Variants in ULK4 observed in about 807,000 individuals in gnomAD.
ULK4 encodes unc-51 like kinase 4, also known as inactive serine/threonine-protein kinase ULK4.
ULK4 carries 133 observed loss-of-function variants against 160.6 expected under a neutral mutation model. That is an observed-to-expected ratio of 0.83 (90% CI 0.72 to 0.96). The LOEUF (loss-of-function observed/expected upper bound fraction) is 0.96. Ranked by LOEUF, ULK4 falls within the 40% of genes least tolerant of loss-of-function variation. The pLI, the probability that ULK4 is intolerant of heterozygous loss-of-function variation, is 0.00. For missense variants in ULK4, 1,580 were observed against 1,499.5 expected, an observed-to-expected ratio of 1.05 and a Z score of -0.89; for synonymous variants, 534 against 539.8, an observed-to-expected ratio of 0.99 and a Z score of 0.15.
intron 21 of ULK4, among the ~76,000 whole-genome samples, chr3:41,785,432 G>C (rs2125587708): frequency 6.6e-6 from 1 of 152,300 alleles, no homozygotes; most frequent in Admixed American, 6.5e-5. Flanking sequence ...TGGGTAGTGA[G>C]ATTCCAGCTA....
At chr3:41,373,869 A>C (rs1455894224) in intron 35 of ULK4, among the ~76,000 whole-genome samples, 1 of 152,230 alleles carries the variant, frequency 6.6e-6, no homozygotes, top group Non-Finnish European at 1.5e-5. Context: ...GAAAAGATTA[A>C]CAAAACAGAT....
chr3:41,346,515 C>A (rs2080803164), intron 35 of ULK4, among the ~76,000 whole-genome samples: 1 of 152,074 alleles, frequency 6.6e-6, no homozygotes, highest in Non-Finnish European at 1.5e-5. Context: ...GACTGGAATG[C>A]CTGGAGAGCA....
chr3:41,774,057 A>T (rs202180392), intron 21 of ULK4, among the ~76,000 whole-genome samples: 1 of 152,198 alleles, frequency 6.6e-6, no homozygotes, highest in South Asian at 2.1e-4. Context: ...CTTACACCTT[A>T]TACAAAAATC....
intron 11 of ULK4, among the ~76,000 whole-genome samples, chr3:41,909,042 A>G (rs951076803): frequency 6.9e-5 from 10 of 145,844 alleles, no homozygotes; most frequent in African/African-American, 2.5e-4. Context: ...GCAGTGAGCC[A>G]AGTTCAAGCC....
At chr3:41,408,211 G>A (rs561783310) in intron 34 of ULK4, among the ~76,000 whole-genome samples, 3 of 151,706 alleles carry the variant, frequency 2.0e-5, no homozygotes, top group Admixed American at 6.6e-5. Context: ...GGCGGATCAC[G>A]AGGTCAGGAG....
chr3:41,595,309 G>A (rs553665167), intron 31 of ULK4, among the ~76,000 whole-genome samples: 26 of 152,208 alleles, frequency 1.7e-4, no homozygotes, highest in South Asian at 8.3e-4. Flanking sequence ...ATCCTGCCGC[G>A]GTCAACTTCT....
At chr3:41,944,603 G>A (rs1283956945) in intron 2 of ULK4, among the ~76,000 whole-genome samples, 1 of 151,982 alleles carries the variant, frequency 6.6e-6, no homozygotes, top group Admixed American at 6.6e-5. Flanking sequence ...CTTTTTATAA[G>A]AAGTGTACTT....
rs748807941 is a variant in ULK4, at chr3:41,305,677, G to A, written c.3679-56103C>T. ...AAGTGAGGAGCGTCTCTGCCTGGCC[G>A]CCCATCGTCTGGGATGTGAGGAGCC... On this transcript the variant is annotated intron_variant, in intron 35 of 36. Transcript: ENST00000301831. Among the ~76,000 whole-genome samples the A allele has an allele frequency of 6.6e-3, 991 of 149,258 alleles. 7 individuals carry two copies. Among genetic ancestry groups the A allele is most frequent in the African/African-American group, 0.021 (834 of 39,252 alleles).
chr3:41,432,530 T>A (rs2082936647), intron 34 of ULK4, among the ~76,000 whole-genome samples: 1 of 152,196 alleles, frequency 6.6e-6, no homozygotes, highest in Non-Finnish European at 1.5e-5. Context: ...CCCCCACTTC[T>A]GTGGTACAAA....
intron 34 of ULK4, among the ~76,000 whole-genome samples, chr3:41,434,480 TTG>T (rs1228208718): frequency 6.6e-6 from 1 of 152,208 alleles, no homozygotes; most frequent in Non-Finnish European, 1.5e-5. Flanking sequence ...ACACTATTTT[TTG>T]TGAGTCTGGA....
intron 35 of ULK4, among the ~76,000 whole-genome samples, chr3:41,374,643 C>G (rs1307210186): frequency 6.6e-6 from 1 of 151,924 alleles, no homozygotes; most frequent in African/African-American, 2.4e-5. Context: ...TATCTCAAAA[C>G]AATAAGAGCT....
At chr3:41,462,427 C>T (rs907865114) in intron 33 of ULK4, among the ~76,000 whole-genome samples, 7 of 152,238 alleles carry the variant, frequency 4.6e-5, no homozygotes, top group African/African-American at 1.2e-4. Flanking sequence ...CTGACTCCAT[C>T]GGTTAGACAG....
intron 17 of ULK4, among the ~76,000 whole-genome samples, chr3:41,880,535 C>T (rs1697479329): frequency 6.6e-6 from 1 of 152,160 alleles, no homozygotes; most frequent in South Asian, 2.1e-4. Context: ...TCATTAAACT[C>T]TCCAGCATTA....
chr3:41,735,865 C>CA (rs1491105163), intron 22 of ULK4, among the ~76,000 whole-genome samples: 1 of 119,224 alleles, frequency 8.4e-6, no homozygotes, highest in Non-Finnish European at 1.7e-5. Context: ...CAACAGTCCC[C>CA]AGAGTGTGAT....
chr3:41,352,691 C>T (rs181115459), intron 35 of ULK4, among the ~76,000 whole-genome samples: 6 of 152,194 alleles, frequency 3.9e-5, no homozygotes, highest in Admixed American at 1.3e-4. Flanking sequence ...TTTGATTTGC[C>T]CAGCAGAGCA....
intron 19 of ULK4, among the ~76,000 whole-genome samples, chr3:41,813,721 T>C (rs1337457643): frequency 6.6e-6 from 1 of 152,256 alleles, no homozygotes; most frequent in East Asian, 1.9e-4. Flanking sequence ...ACAGTCTAAA[T>C]TTCTAGTGAA....
rs533199854 is a variant in ULK4, at chr3:41,585,955, G to GATA, written c.3121-19828_3121-19826dup. ...GAGAAATGCAAATCAAAACCGCAAT[G>GATA]ATATATCAGCTCACACCTATTAGGA... is the stretch of plus-strand genomic sequence containing the variant. On this transcript the variant is annotated intron_variant, in intron 31 of 36. Transcript: ENST00000301831. Among the ~76,000 whole-genome samples, 578 of 152,230 alleles carry GATA rather than the reference G, an allele frequency of 3.8e-3. 4 individuals are homozygous for GATA. Among genetic ancestry groups the GATA allele is most frequent in the Middle Eastern group, 0.014 (4 of 294 alleles).
intron 21 of ULK4, among the ~76,000 whole-genome samples, chr3:41,759,291 C>T (rs2038909893): frequency 6.6e-6 from 1 of 152,056 alleles, no homozygotes. Context: ...AAAAAAAGCT[C>T]CTATAAGTGA....
chr3:41,501,816 C>T (rs2085220174), intron 32 of ULK4, among the ~76,000 whole-genome samples: 1 of 152,106 alleles, frequency 6.6e-6, no homozygotes, highest in Admixed American at 6.6e-5. Context: ...CCCAATTATC[C>T]CATTCCCTGC....
Sources: allele counts gnomAD v4.1 joint callset (sites outside exome capture counted in the v4.1 genomes callset), GRCh38; gene constraint gnomAD v4.1.1; transcripts MANE v1.5; gene names NCBI Gene and HGNC (gene_info 2026-07-23, HGNC 2026-07-21).